RALGPS2: variants seen among roughly 807,000 people sequenced by gnomAD.
RALGPS2 encodes the protein ras-specific guanine nucleotide-releasing factor RalGPS2.
In RALGPS2, 43 loss-of-function variants were observed where a neutral mutation model predicts 86.8. The ratio of observed to expected loss-of-function variants is 0.50; its 90% CI spans 0.39 to 0.64. The LOEUF (loss-of-function observed/expected upper bound fraction) is 0.64. Among genes scored for constraint, RALGPS2 ranks in the 30% least tolerant of loss-of-function variants. The probability of loss-of-function intolerance (pLI) is 0.00; values close to 1 mark genes in which losing one functional copy is unlikely to be tolerated. For missense variants in RALGPS2, 536 were observed against 694.6 expected (o/e 0.77, Z 2.57); for synonymous variants, 243 against 231.3 (o/e 1.05, Z -0.46).
chr1:178,776,644 G>A lies in RALGPS2; in HGVS notation c.-83-38G>A, dbSNP rs180970841. ...GCATAGAGTTGTTTTCTTGAACTTC[G>A]AGGAAGACATTTGCTTAACTTTTTT... is the stretch of plus-strand genomic sequence containing the variant. On this transcript the variant is annotated intron_variant, in intron 1 of 19. Coordinates refer to ENST00000367635, the MANE Select transcript of RALGPS2 (RefSeq NM_152663.5). 51 of 644,316 alleles carry A rather than the reference G, an allele frequency of 7.9e-5. No homozygotes were observed. In the East Asian group the frequency reaches 1.6e-3, roughly 20 times the overall value. 39.9% of individuals were successfully genotyped at this position (644,316 alleles called of 1,614,324 possible).
intron 8 of RALGPS2, among the ~76,000 whole-genome samples, chr1:178,859,636 G>A (rs925335054): frequency 6.7e-6 from 1 of 148,520 alleles, no homozygotes; most frequent in African/African-American, 2.5e-5. Context: ...ATAAAGGGAA[G>A]TGTACAAAAT....
intron 19 of RALGPS2, among the ~76,000 whole-genome samples, chr1:178,914,114 C>T (rs1274987564): frequency 3.9e-5 from 6 of 152,166 alleles, no homozygotes; most frequent in South Asian, 2.1e-4. Flanking sequence ...TCAGACTCAC[C>T]CCAGTCCCAT....
At chr1:178,832,111 A>G (rs1045146143) in intron 7 of RALGPS2, among the ~76,000 whole-genome samples, 1 of 152,202 alleles carries the variant, frequency 6.6e-6, no homozygotes, top group Admixed American at 6.5e-5. Context: ...GTAAAGAGTT[A>G]GATATACAGG....
chr1:178,787,058 A>G (rs1442306553), intron 4 of RALGPS2, among the ~76,000 whole-genome samples: 1 of 152,096 alleles, frequency 6.6e-6, no homozygotes, highest in Non-Finnish European at 1.5e-5. Flanking sequence ...GAAGAAGAAC[A>G]ATGTATTCTA....
chr1:178,870,386 T>A (rs1348888479), intron 8 of RALGPS2, among the ~76,000 whole-genome samples: 1 of 152,216 alleles, frequency 6.6e-6, no homozygotes, highest in Non-Finnish European at 1.5e-5. Flanking sequence ...TGTATTCCTT[T>A]GTTTTTAATC....
intron 4 of RALGPS2, among the ~76,000 whole-genome samples, chr1:178,797,060 G>A (rs564683210): frequency 9.8e-4 from 149 of 152,188 alleles, no homozygotes; most frequent in African/African-American, 3.1e-3. Context: ...TATTTACATA[G>A]TATACTCAAA....
chr1:178,827,684 C>T (rs985120193), intron 7 of RALGPS2, among the ~76,000 whole-genome samples: 5 of 152,064 alleles, frequency 3.3e-5, no homozygotes, highest in African/African-American at 7.2e-5. Context: ...CGTGAGCCAC[C>T]GCGCCCGGCC....
chr1:178,883,839 A>C (rs995550485), intron 11 of RALGPS2, among the ~76,000 whole-genome samples: 3 of 152,142 alleles, frequency 2.0e-5, no homozygotes, highest in Non-Finnish European at 4.4e-5. Flanking sequence ...TAACAAAAAA[A>C]TTAGCCGGGT....
intron 1 of RALGPS2, among the ~76,000 whole-genome samples, chr1:178,756,886 CCCT>C (rs1218477599): frequency 3.3e-5 from 5 of 151,880 alleles, no homozygotes; most frequent in Admixed American, 1.3e-4. Flanking sequence ...AGGGAGGAGT[CCCT>C]CCTCCTTAAT....
At chr1:178,747,454 G>A in intron 1 of RALGPS2, 1 of 1,594,100 alleles carries the variant, frequency 6.3e-7, no homozygotes, top group Non-Finnish European at 8.6e-7. Context: ...GCATCTCTTG[G>A]TCATCTGTTG....
chr1:178,837,504 T>C (rs1269264760), intron 8 of RALGPS2, among the ~76,000 whole-genome samples: 2 of 152,164 alleles, frequency 1.3e-5, no homozygotes, highest in Non-Finnish European at 2.9e-5. Flanking sequence ...TAGTAAAATG[T>C]ATGTGTCTGA....
At chr1:178,740,864 A>G (rs1237998074) in intron 1 of RALGPS2, among the ~76,000 whole-genome samples, 1 of 152,198 alleles carries the variant, frequency 6.6e-6, no homozygotes, top group Non-Finnish European at 1.5e-5. Flanking sequence ...CAGCCCCTGC[A>G]ACCTTGGGCA....
intron 1 of RALGPS2, among the ~76,000 whole-genome samples, chr1:178,753,953 T>C (rs1249155969): frequency 6.6e-6 from 1 of 151,916 alleles, no homozygotes; most frequent in Non-Finnish European, 1.5e-5. Flanking sequence ...TGCCTCAGCC[T>C]CCCGAGTAGT....
chr1:178,865,776 T>C lies in RALGPS2; in HGVS notation c.608-11722T>C, dbSNP rs753330812. ...CCTAGGGTCCAGGTAAAAGTCTTCA[T>C]TTTGAAATGAGGTTGTAAAATGATG... On this transcript the variant is annotated intron_variant, in intron 8 of 19. Coordinates refer to ENST00000367635, the MANE Select transcript of RALGPS2 (RefSeq NM_152663.5). 3 of 1,571,162 alleles carry C rather than the reference T, an allele frequency of 1.9e-6. No homozygotes were observed. In the South Asian group the frequency reaches 3.5e-5, roughly 19 times the overall value.
chr1:178,833,742 G>A lies in RALGPS2; in HGVS notation c.607+192G>A, dbSNP rs542939864. ...TGGAATGTATTTTCATATTAGATTA[G>A]CCTTTTGCCCTCAAGGTTTTTCTTA... On this transcript the variant is annotated intron_variant, in intron 8 of 19. Coordinates refer to ENST00000367635, the MANE Select transcript of RALGPS2 (RefSeq NM_152663.5). Among the ~76,000 whole-genome samples the A allele has an allele frequency of 1.8e-4, 27 of 152,198 alleles. No homozygotes were observed. The South Asian group carries it at 5.6e-3, about 32-fold the overall frequency.
intron 4 of RALGPS2, among the ~76,000 whole-genome samples, chr1:178,807,266 A>C (rs1572352364): frequency 1.3e-5 from 2 of 152,264 alleles, no homozygotes; most frequent in East Asian, 1.9e-4. Context: ...AGACAGGGAG[A>C]TAAAGCTGCA....
intron 8 of RALGPS2, among the ~76,000 whole-genome samples, chr1:178,863,020 G>C (rs573828587): frequency 2.0e-5 from 3 of 152,282 alleles, no homozygotes; most frequent in African/African-American, 7.2e-5. Context: ...TAAATCTTAT[G>C]CAGTAAATAC....
intron 18 of RALGPS2, among the ~76,000 whole-genome samples, chr1:178,903,571 A>G (rs1024979261): frequency 1.3e-5 from 2 of 152,122 alleles, no homozygotes; most frequent in Non-Finnish European, 2.9e-5. Flanking sequence ...CTCATAGCTT[A>G]GCTCCCACGT....
chr1:178,897,200 T>C (rs1659989315), intron 16 of RALGPS2, among the ~76,000 whole-genome samples: 1 of 151,950 alleles, frequency 6.6e-6, no homozygotes. Context: ...TCATCATCAC[T>C]GGCCATCAGA....
Sources: allele counts gnomAD v4.1 joint callset (sites outside exome capture counted in the v4.1 genomes callset), GRCh38; gene constraint gnomAD v4.1.1; transcripts MANE v1.5; gene names NCBI Gene and HGNC (gene_info 2026-07-23, HGNC 2026-07-21).